The following ADAMTS17 variants were observed in gnomAD, a reference collection of about 807,000 sequenced individuals.
ADAMTS17 encodes ADAM metallopeptidase with thrombospondin type 1 motif 17.
In ADAMTS17, 113 loss-of-function variants were observed where a neutral mutation model predicts 141.5. The ratio of observed to expected loss-of-function variants is 0.80; its 90% CI spans 0.69 to 0.93. The LOEUF is 0.93. Ranked by LOEUF, ADAMTS17 falls within the 40% of genes least tolerant of loss-of-function variation. The pLI, the probability that ADAMTS17 is intolerant of heterozygous loss-of-function variation, is 0.00. For synonymous variants in ADAMTS17, 768 were observed against 630.6 expected (o/e 1.22, Z -3.27); for missense variants, 1,659 against 1,517.9 (o/e 1.09, Z -1.54).
chr15:100,184,136 T>C (rs1488851749), intron 8 of ADAMTS17, among the ~76,000 whole-genome samples: 1 of 152,198 alleles, frequency 6.6e-6, no homozygotes, highest in Non-Finnish European at 1.5e-5. Flanking sequence ...CTGCTGCAGG[T>C]AGAGTAGCCA....
intron 18 of ADAMTS17, among the ~76,000 whole-genome samples, chr15:100,018,082 C>G (rs1467892844): frequency 6.6e-6 from 1 of 152,176 alleles, no homozygotes; most frequent in Admixed American, 6.5e-5. Flanking sequence ...TTCCTGCTCT[C>G]CCTAGCTCCT....
chr15:100,288,426 C>T (rs1389525939), intron 3 of ADAMTS17, among the ~76,000 whole-genome samples: 3 of 152,178 alleles, frequency 2.0e-5, no homozygotes, highest in Non-Finnish European at 4.4e-5. Flanking sequence ...CTGGAGACTT[C>T]AACACCCTAC....
chr15:100,172,816 C>A (rs1404033041), intron 8 of ADAMTS17, among the ~76,000 whole-genome samples: 1 of 152,154 alleles, frequency 6.6e-6, no homozygotes, highest in Non-Finnish European at 1.5e-5. Flanking sequence ...CGAGGAGCAC[C>A]CTTTCTGCAG....
At chr15:100,099,042 G>A (rs774000654) in intron 14 of ADAMTS17, among the ~76,000 whole-genome samples, 19 of 152,186 alleles carry the variant, frequency 1.2e-4, no homozygotes, top group African/African-American at 4.6e-4. Context: ...CTCAGTTAAG[G>A]TTTCCTGATT....
At chr15:100,021,955 G>A (rs2061414065) in intron 18 of ADAMTS17, among the ~76,000 whole-genome samples, 1 of 152,122 alleles carries the variant, frequency 6.6e-6, no homozygotes, top group South Asian at 2.1e-4. Flanking sequence ...GCTCATCTGA[G>A]GCTCTCCAAA....
At chr15:100,017,026 G>A (rs1233057215) in intron 18 of ADAMTS17, among the ~76,000 whole-genome samples, 1 of 152,162 alleles carries the variant, frequency 6.6e-6, no homozygotes, top group Non-Finnish European at 1.5e-5. Flanking sequence ...GACTCTCCTT[G>A]GGCTGGTCTT....
chr15:99,976,298 T>G (rs2060327468), intron 20 of ADAMTS17, 76 bp from the exon 21 acceptor site: 2 of 1,514,070 alleles, frequency 1.3e-6, no homozygotes, highest in Non-Finnish European at 1.8e-6. Context: ...AATGTGGCAC[T>G]GCGGAGACAG....
intron 2 of ADAMTS17, among the ~76,000 whole-genome samples, chr15:100,339,396 T>A (rs1347043581): frequency 6.6e-6 from 1 of 152,248 alleles, no homozygotes; most frequent in Non-Finnish European, 1.5e-5. Flanking sequence ...GGGATTCAGA[T>A]GTTTCCATGT....
intron 3 of ADAMTS17, among the ~76,000 whole-genome samples, chr15:100,295,541 C>G (rs555681946): frequency 4.6e-5 from 7 of 152,192 alleles, no homozygotes; most frequent in Admixed American, 3.9e-4. Flanking sequence ...TAGGCACCAA[C>G]TTGGGTATAC....
intron 20 of ADAMTS17, among the ~76,000 whole-genome samples, chr15:99,986,721 G>A (rs2060594483): frequency 6.6e-6 from 1 of 152,172 alleles, no homozygotes; most frequent in Non-Finnish European, 1.5e-5. Context: ...TTTCAGTGGT[G>A]ATTAATGCTC....
chr15:100,048,744 C>T (rs568740900), intron 18 of ADAMTS17, 113 bp downstream of exon 18: 47 of 1,498,440 alleles, frequency 3.1e-5, no homozygotes, highest in South Asian at 3.4e-5. Flanking sequence ...TCAACAATAA[C>T]GGAACACAGC....
At chr15:100,235,245 T>C (rs570254516) in intron 7 of ADAMTS17, among the ~76,000 whole-genome samples, 5 of 152,290 alleles carry the variant, frequency 3.3e-5, no homozygotes, top group African/African-American at 1.2e-4. Flanking sequence ...CCATGCGTCA[T>C]GCTTGTTCTA....
At position 100,002,764 on chromosome 15, in the gene ADAMTS17, G is replaced by A. The variant is rs116130901; in HGVS notation, c.2592-5175C>T. 9.3e-3 allele frequency among the ~76,000 whole-genome samples: 1,416 copies of A among 152,178 alleles called. 46 individuals carry two copies. Among genetic ancestry groups the A allele is most frequent in the African/African-American group, 0.032 (1,335 of 41,448 alleles). On this transcript the variant is annotated intron_variant, in intron 18 of 21. Coordinates refer to ENST00000268070, the MANE Select transcript of ADAMTS17 (RefSeq NM_139057.4). ...AGATTCCTGCAGAGCAGTGAGGGGC[G>A]GCTGGCTGTCCTGCCTCTTCTCTCC...
At chr15:100,037,376 T>C (rs1308662806) in intron 18 of ADAMTS17, among the ~76,000 whole-genome samples, 5 of 152,218 alleles carry the variant, frequency 3.3e-5, no homozygotes, top group Non-Finnish European at 5.9e-5. Flanking sequence ...CATCTTATTA[T>C]TGAGCTGTAG....
chr15:100,124,322 CT>C (rs1375209397), intron 12 of ADAMTS17, among the ~76,000 whole-genome samples: 2 of 152,318 alleles, frequency 1.3e-5, no homozygotes, highest in African/African-American at 4.8e-5. Flanking sequence ...AACCAAACGG[CT>C]TGCATGGCTA....
At chr15:100,339,652 CCCCGCCCCAGGTCCACATT>C in intron 2 of ADAMTS17, among the ~76,000 whole-genome samples, 1 of 112,824 alleles carries the variant, frequency 8.9e-6, no homozygotes, top group East Asian at 3.6e-4. Context: ...GGTCCACATT[CCCCGCCCCAGGTCCACATT>C]CCCCGCCCCA....
chr15:100,083,111 A>T (rs900344349), intron 15 of ADAMTS17, among the ~76,000 whole-genome samples: 3 of 152,158 alleles, frequency 2.0e-5, no homozygotes, highest in Non-Finnish European at 4.4e-5. Context: ...TGAAGAGTAA[A>T]ATGTAAGTGA....
chr15:100,056,329 T>C (rs1053445930), intron 15 of ADAMTS17, among the ~76,000 whole-genome samples: 7 of 151,730 alleles, frequency 4.6e-5, no homozygotes, highest in African/African-American at 1.5e-4. Flanking sequence ...AAGGAGCAGA[T>C]AGAAAAAACC....
chr15:100,135,322 C>T (rs986946746), intron 10 of ADAMTS17, among the ~76,000 whole-genome samples: 4 of 149,224 alleles, frequency 2.7e-5, no homozygotes, highest in African/African-American at 4.9e-5. Flanking sequence ...CTCGCTCTGT[C>T]GCCCAGGCTG....
Sources: gnomAD v4.1 joint callset for allele counts (sites outside exome capture counted in the v4.1 genomes callset) on GRCh38, gnomAD v4.1.1 for gene constraint, MANE v1.5 for transcripts, NCBI Gene and HGNC (gene_info 2026-07-23, HGNC 2026-07-21) for gene names.